The following CACNB4 variants were observed in gnomAD, a reference collection of about 807,000 sequenced individuals.
The protein encoded by CACNB4 is calcium voltage-gated channel auxiliary subunit beta 4, also known as voltage-dependent L-type calcium channel subunit beta-4.
In CACNB4, 32 loss-of-function variants were observed where a neutral mutation model predicts 71.2. The observed-to-expected ratio is 0.45, with a 90% CI of 0.34 to 0.60. The LOEUF is 0.60. Among genes scored for constraint, CACNB4 ranks in the 20% least tolerant of loss-of-function variants. The pLI, the probability that CACNB4 is intolerant of heterozygous loss-of-function variation, is 0.01. For synonymous variants in CACNB4, 231 were observed against 236.9 expected, an observed-to-expected ratio of 0.97 and a Z score of 0.23; for missense variants, 464 against 647.9, an observed-to-expected ratio of 0.72 and a Z score of 3.08.
chr2:152,015,744 C>G (rs978425955), intron 2 of CACNB4, among the ~76,000 whole-genome samples: 4 of 152,228 alleles, frequency 2.6e-5, no homozygotes, highest in African/African-American at 7.2e-5. Context: ...AGAGCAACTA[C>G]AGTAAACCTG....
intron 2 of CACNB4, among the ~76,000 whole-genome samples, chr2:151,978,312 A>G (rs1464510291): frequency 6.6e-6 from 1 of 152,194 alleles, no homozygotes; most frequent in Non-Finnish European, 1.5e-5. Context: ...AGTGTGGAAG[A>G]ATTGGCCTTT....
At chr2:152,028,755 A>G (rs1404456411) in intron 2 of CACNB4, among the ~76,000 whole-genome samples, 1 of 152,232 alleles carries the variant, frequency 6.6e-6, no homozygotes, top group Non-Finnish European at 1.5e-5. Flanking sequence ...AGATCCTTGC[A>G]TACAGTGTTT....
chr2:151,859,552 C>T (rs2099841128), intron 10 of CACNB4: 1 of 152,184 alleles, frequency 6.6e-6, no homozygotes, highest in Non-Finnish European at 1.5e-5. Context: ...ATAGGATTCA[C>T]CATCAACACT....
chr2:152,038,864 C>T (rs773987620), intron 2 of CACNB4, among the ~76,000 whole-genome samples: 1 of 152,146 alleles, frequency 6.6e-6, no homozygotes, highest in Non-Finnish European at 1.5e-5. Flanking sequence ...GGAAATCTCC[C>T]CCTCTCTTCC....
intron 2 of CACNB4, among the ~76,000 whole-genome samples, chr2:152,085,825 A>AAAAC (rs1553836052): frequency 6.7e-6 from 1 of 149,800 alleles, no homozygotes; most frequent in African/African-American, 2.5e-5. Context: ...AAAAAAAAAA[A>AAAAC]AAACAAACAA....
intron 2 of CACNB4, among the ~76,000 whole-genome samples, chr2:152,089,964 G>A (rs973415882): frequency 6.6e-6 from 1 of 152,100 alleles, no homozygotes; most frequent in East Asian, 1.9e-4. Flanking sequence ...AGCAGAATGG[G>A]ACCTGCATGC....
rs992267614 is a variant in CACNB4, at chr2:152,023,057, G to A, written c.147+75273C>T. ...AAACCTCAGGAAACTTACAATCATG[G>A]TAGAAGGGGAAGAGGCATGTCTTAC... On this transcript the variant is annotated intron_variant, in intron 2 of 13. Coordinates refer to ENST00000539935, the MANE Select transcript of CACNB4 (RefSeq NM_000726.5). 2.0e-5 allele frequency among the ~76,000 whole-genome samples: 3 copies of A among 151,996 alleles called. No individual in the cohort carries two copies. The South Asian group carries it at 6.2e-4, about 32-fold the overall frequency.
chr2:151,887,704 C>T (rs1026964430), intron 2 of CACNB4, among the ~76,000 whole-genome samples: 1 of 152,182 alleles, frequency 6.6e-6, no homozygotes, highest in Non-Finnish European at 1.5e-5. Context: ...GGCTGTGAAT[C>T]TTAAGCAAGT....
chr2:151,847,040 G>A (rs1389972648), intron 12 of CACNB4, among the ~76,000 whole-genome samples: 1 of 151,196 alleles, frequency 6.6e-6, no homozygotes. Context: ...GAAATAATAT[G>A]GGTGAGCACA....
intron 2 of CACNB4, among the ~76,000 whole-genome samples, chr2:152,049,880 A>T (rs1350521117): frequency 1.3e-5 from 2 of 152,254 alleles, no homozygotes; most frequent in South Asian, 4.1e-4. Context: ...TGTTGGTTTG[A>T]CTGGTGACTG....
chr2:152,026,488 G>A (rs551195703), intron 2 of CACNB4, among the ~76,000 whole-genome samples: 3 of 151,876 alleles, frequency 2.0e-5, no homozygotes, highest in South Asian at 2.1e-4. Flanking sequence ...GGGCTCAAGC[G>A]ATTCTCATGC....
At chr2:152,049,564 T>A (rs1330865539) in intron 2 of CACNB4, among the ~76,000 whole-genome samples, 1 of 152,240 alleles carries the variant, frequency 6.6e-6, no homozygotes, top group Non-Finnish European at 1.5e-5. Context: ...GCTCTCTTGC[T>A]CACTCTCTCT....
chr2:152,035,653 A>C (rs12476978), intron 2 of CACNB4, among the ~76,000 whole-genome samples: 18,570 of 49,474 alleles, frequency 0.38, 1,572 homozygotes, highest in Admixed American at 0.52. Flanking sequence ...CTCTCTCTCT[A>C]TATATATATA....
At chr2:151,940,003 G>C (rs765162549) in intron 2 of CACNB4, among the ~76,000 whole-genome samples, 2 of 152,034 alleles carry the variant, frequency 1.3e-5, no homozygotes, top group African/African-American at 4.8e-5. Context: ...AATTTTACTC[G>C]TTAGTTTTGA....
intron 2 of CACNB4, among the ~76,000 whole-genome samples, chr2:152,070,577 C>T (rs754158440): frequency 3.3e-5 from 5 of 151,934 alleles, no homozygotes; most frequent in African/African-American, 9.7e-5. Context: ...TCTTTCACAT[C>T]GATAATGAAA....
intron 2 of CACNB4, among the ~76,000 whole-genome samples, chr2:152,078,139 A>G (rs1222032957): frequency 6.6e-6 from 1 of 152,174 alleles, no homozygotes; most frequent in East Asian, 1.9e-4. Flanking sequence ...TCCATTTTCA[A>G]TATCAATCCA....
intron 2 of CACNB4, chr2:151,971,315 T>C (rs2099872479): frequency 1.7e-6 from 1 of 593,646 alleles, no homozygotes; most frequent in Non-Finnish European, 3.0e-6. Flanking sequence ...TAATCACTTA[T>C]CACAAGTTAA....
In CACNB4 at chr2:151,833,298, T is replaced by G. The variant is rs892157427; in HGVS notation, c.*5821A>C. The G allele has an allele frequency of 2.0e-5, 3 of 152,124 alleles. No individual in the cohort carries two copies. Among genetic ancestry groups the G allele is most frequent in the African/African-American group, 7.2e-5 (3 of 41,446 alleles). The allele number at this position is 152,124 out of a possible 1,614,324, so 9.4% of individuals were successfully genotyped here. Reference sequence around the variant, plus strand: ...ACCATCCCTACAAAAACACAGCTAATGGCTTTAACTTATGTTTCAAAGTAG... The same window carrying G: ...ACCATCCCTACAAAAACACAGCTAAGGGCTTTAACTTATGTTTCAAAGTAG... On this transcript the variant is annotated 3_prime_UTR_variant, in exon 14 of 14. Coordinates refer to ENST00000539935, the MANE Select transcript of CACNB4 (RefSeq NM_000726.5).
Position 151,869,039 on chromosome 2 carries a change from A to G in CACNB4, c.758+138T>C, listed in dbSNP as rs570870673. On this transcript the variant is annotated intron_variant, in intron 9 of 13. Transcript: ENST00000539935. Reference sequence around the variant, plus strand: ...TTCATATTTTCAGAGTTCTTTTATTATATTCTTCCCAAGAATACTGAGTTA... The same window carrying G: ...TTCATATTTTCAGAGTTCTTTTATTGTATTCTTCCCAAGAATACTGAGTTA... 11 of 603,976 alleles carry G rather than the reference A, an allele frequency of 1.8e-5. No homozygotes were observed. In the South Asian group the frequency reaches 2.2e-4, roughly 12 times the overall value. The allele number at this position is 603,976 out of a possible 1,614,324, so 37.4% of individuals were successfully genotyped here.
Sources: allele counts gnomAD v4.1 joint callset (sites outside exome capture counted in the v4.1 genomes callset), GRCh38; gene constraint gnomAD v4.1.1; transcripts MANE v1.5; gene names NCBI Gene and HGNC (gene_info 2026-07-23, HGNC 2026-07-21).